The following ALK variants were observed in gnomAD, a reference collection of about 807,000 sequenced individuals.
The protein encoded by ALK is ALK tyrosine kinase receptor.
In ALK, 74 loss-of-function variants were observed where a neutral mutation model predicts 163.1. The observed-to-expected ratio is 0.45, with a 90% CI of 0.38 to 0.55. The LOEUF (loss-of-function observed/expected upper bound fraction) is 0.55, where lower values mean the gene tolerates loss of function less well. ALK is among the 20% of genes least tolerant of loss of function. The pLI, the probability that ALK is intolerant of heterozygous loss-of-function variation, is 0.00. For synonymous variants in ALK, 960 were observed against 843.2 expected (o/e 1.14, Z -2.40); for missense variants, 2,063 against 2,105.3 (o/e 0.98, Z 0.39).
intron 1 of ALK, among the ~76,000 whole-genome samples, chr2:29,785,557 C>T (rs1663986998): frequency 6.6e-6 from 1 of 152,160 alleles, no homozygotes; most frequent in African/African-American, 2.4e-5. Flanking sequence ...ACCTTTCACA[C>T]AACCTTGCAT....
At chr2:29,442,822 G>GT in intron 4 of ALK, among the ~76,000 whole-genome samples, 1 of 152,276 alleles carries the variant, frequency 6.6e-6, no homozygotes, top group Non-Finnish European at 1.5e-5. Flanking sequence ...AAGTTTCTGG[G>GT]TTTCAATTTT....
At chr2:29,862,079 C>G (rs1394848742) in intron 1 of ALK, among the ~76,000 whole-genome samples, 1 of 139,888 alleles carries the variant, frequency 7.1e-6, no homozygotes, top group Non-Finnish European at 1.5e-5. Flanking sequence ...ATTCAACATC[C>G]TTTAATGATA....
At chr2:29,226,781 C>G (rs940578545) in intron 18 of ALK, 141 bp downstream of exon 18, 12 of 1,053,546 alleles carry the variant, frequency 1.1e-5, no homozygotes, top group Non-Finnish European at 1.7e-5. Flanking sequence ...GGTCAGAGCA[C>G]TCGAGCTGTG....
intron 8 of ALK, among the ~76,000 whole-genome samples, chr2:29,299,905 A>G (rs1246194467): frequency 6.6e-6 from 1 of 152,174 alleles, no homozygotes; most frequent in East Asian, 1.9e-4. Flanking sequence ...GTTTTATGAT[A>G]CCATATCAAG....
intron 4 of ALK, among the ~76,000 whole-genome samples, chr2:29,462,410 T>A (rs1671105616): frequency 6.6e-6 from 1 of 152,130 alleles, no homozygotes; most frequent in South Asian, 2.1e-4. Flanking sequence ...ATTGCTGTCA[T>A]TTTTAAAATT....
chr2:29,706,603 A>T (rs916432304), intron 2 of ALK, among the ~76,000 whole-genome samples: 1 of 152,184 alleles, frequency 6.6e-6, no homozygotes. Context: ...TCCTTCCATC[A>T]ATCAATTACA....
chr2:29,511,017 A>G (rs1055616745), intron 4 of ALK, among the ~76,000 whole-genome samples: 1 of 152,080 alleles, frequency 6.6e-6, no homozygotes, highest in Non-Finnish European at 1.5e-5. Flanking sequence ...CCTTACACTC[A>G]ATGCACTTGT....
chr2:29,424,132 A>G (rs1418650111), intron 4 of ALK, among the ~76,000 whole-genome samples: 5 of 152,202 alleles, frequency 3.3e-5, no homozygotes, highest in Non-Finnish European at 7.3e-5. Flanking sequence ...GTAAAGTGGA[A>G]CTTAAAAGAT....
chr2:29,847,905 A>T (rs919638875), intron 1 of ALK, among the ~76,000 whole-genome samples: 3 of 152,074 alleles, frequency 2.0e-5, no homozygotes, highest in Non-Finnish European at 4.4e-5. Flanking sequence ...GGGAGGTGTA[A>T]GAAGGAGAAG....
intron 4 of ALK, among the ~76,000 whole-genome samples, chr2:29,396,836 G>GTTTTTTA (rs1669319033): frequency 2.1e-5 from 1 of 46,604 alleles, no homozygotes; most frequent in Non-Finnish European, 3.5e-5. Context: ...TGTTACTATG[G>GTTTTTTA]TTTTTTTTTT....
chr2:29,383,197 G>A (rs1243374026), intron 5 of ALK, among the ~76,000 whole-genome samples: 1 of 151,914 alleles, frequency 6.6e-6, no homozygotes, highest in African/African-American at 2.4e-5. Context: ...AATGTCTGCT[G>A]TTCCCTTCTA....
At chr2:29,500,100 G>A (rs1398431947) in intron 4 of ALK, among the ~76,000 whole-genome samples, 3 of 152,026 alleles carry the variant, frequency 2.0e-5, no homozygotes, top group East Asian at 1.9e-4. Context: ...CATGATTTCC[G>A]ATCCCAGAGT....
At chr2:29,829,322 AAAG>A (rs1374711533) in intron 1 of ALK, among the ~76,000 whole-genome samples, 2 of 151,468 alleles carry the variant, frequency 1.3e-5, no homozygotes, top group African/African-American at 2.4e-5. Flanking sequence ...TAAAAAAAAA[AAAG>A]AAAGAAAGAT....
intron 3 of ALK, among the ~76,000 whole-genome samples, chr2:29,671,432 C>T (rs79110575): frequency 0.014 from 2,137 of 152,140 alleles, 45 homozygotes; most frequent in African/African-American, 0.049. Context: ...TGGCTGGAGA[C>T]GGCAGTCCTA....
intron 3 of ALK, among the ~76,000 whole-genome samples, chr2:29,591,915 G>A (rs972278862): frequency 9.2e-5 from 14 of 151,758 alleles, no homozygotes; most frequent in African/African-American, 3.1e-4. Context: ...TCTTTCTGTC[G>A]TCTTTCTCAT....
At chr2:29,833,751 G>A (rs1475303798) in intron 1 of ALK, among the ~76,000 whole-genome samples, 1 of 152,212 alleles carries the variant, frequency 6.6e-6, no homozygotes, top group African/African-American at 2.4e-5. Flanking sequence ...GTAGATTCAG[G>A]ATTGGAGCCC....
intron 4 of ALK, among the ~76,000 whole-genome samples, chr2:29,386,521 GAT>G (rs1422697864): frequency 1.5e-4 from 23 of 152,342 alleles, no homozygotes; most frequent in Middle Eastern, 3.4e-3. Context: ...TTTGAGGAAA[GAT>G]AGTGGTGAAA....
chr2:29,781,055 T>A (rs1207030979), intron 1 of ALK, among the ~76,000 whole-genome samples: 1 of 152,212 alleles, frequency 6.6e-6, no homozygotes, highest in Non-Finnish European at 1.5e-5. Context: ...ACCTTCTATA[T>A]GTCTGGAAGC....
intron 4 of ALK, among the ~76,000 whole-genome samples, chr2:29,387,879 C>G (rs116737394): frequency 1.3e-5 from 2 of 152,224 alleles, no homozygotes; most frequent in Admixed American, 1.3e-4. Flanking sequence ...ATTATTGCTC[C>G]AAGACTGCAA....
Sources: allele counts gnomAD v4.1 joint callset (sites outside exome capture counted in the v4.1 genomes callset), GRCh38; gene constraint gnomAD v4.1.1; transcripts MANE v1.5; gene names NCBI Gene and HGNC (gene_info 2026-07-23, HGNC 2026-07-21).